Variants in CSMD1 observed in about 807,000 individuals in gnomAD.
The protein encoded by CSMD1 is CUB and Sushi multiple domains 1.
CSMD1 carries 213 observed loss-of-function variants against 417.5 expected under a neutral mutation model. The ratio of observed to expected loss-of-function variants is 0.51; its 90% CI spans 0.46 to 0.57. The LOEUF (loss-of-function observed/expected upper bound fraction) is 0.57, where lower values mean the gene tolerates loss of function less well. Among genes scored for constraint, CSMD1 ranks in the 20% least tolerant of loss-of-function variants. CSMD1 has a pLI of 0.00. For missense variants in CSMD1, 6,923 were observed against 4,529.7 expected, an observed-to-expected ratio of 1.53 and a Z score of -15.17; for synonymous variants, 2,862 against 1,736.8, an observed-to-expected ratio of 1.65 and a Z score of -16.11.
chr8:4,796,970 C>G (rs1369048460), intron 1 of CSMD1, among the ~76,000 whole-genome samples: 1 of 152,200 alleles, frequency 6.6e-6, no homozygotes, highest in Non-Finnish European at 1.5e-5. Flanking sequence ...GCCTGGTCAT[C>G]AGGCCTTTGT....
intron 11 of CSMD1, among the ~76,000 whole-genome samples, chr8:3,471,668 C>T (rs1030923140): frequency 1.4e-5 from 2 of 139,208 alleles, no homozygotes; most frequent in African/African-American, 5.2e-5. Context: ...TCCTTTCCCT[C>T]CCTCCCTCCC....
intron 5 of CSMD1, among the ~76,000 whole-genome samples, chr8:3,781,587 G>A (rs1158028800): frequency 6.6e-6 from 1 of 152,150 alleles, no homozygotes; most frequent in Non-Finnish European, 1.5e-5. Flanking sequence ...CCAATTATCA[G>A]TGTACTCTGT....
At chr8:4,280,511 T>C (rs1330429026) in intron 3 of CSMD1, among the ~76,000 whole-genome samples, 1 of 152,180 alleles carries the variant, frequency 6.6e-6, no homozygotes, top group Non-Finnish European at 1.5e-5. Context: ...AATTAAAATA[T>C]ACAAGCAAAT....
chr8:4,113,418 T>TTA (rs1364145843), intron 3 of CSMD1, among the ~76,000 whole-genome samples: 3 of 93,140 alleles, frequency 3.2e-5, no homozygotes, highest in Non-Finnish European at 6.6e-5. Context: ...TTTTTTTTTT[T>TTA]AAATGAGACA....
intron 23 of CSMD1, among the ~76,000 whole-genome samples, chr8:3,311,984 A>G (rs7838925): frequency 0.019 from 2,850 of 152,314 alleles, 84 homozygotes; most frequent in African/African-American, 0.064. Flanking sequence ...AGGTTAACAA[A>G]GTTCTAAAAT....
At chr8:4,436,701 A>T (rs908767448) in intron 2 of CSMD1, among the ~76,000 whole-genome samples, 6 of 152,030 alleles carry the variant, frequency 3.9e-5, no homozygotes, top group African/African-American at 1.4e-4. Flanking sequence ...TCTGGTAACC[A>T]TCCTACTCCC....
At position 2,945,041 on chromosome 8, in the gene CSMD1, A is replaced by G. The variant is rs146249349; in HGVS notation, c.10403-2437T>C. On this transcript the variant is annotated intron_variant, in intron 68 of 69. Coordinates refer to ENST00000635120, the MANE Select transcript of CSMD1 (RefSeq NM_033225.6). The stretch of plus-strand genomic sequence containing the variant: ...TATCACATGCCTGCAGCTCCTAGTT[A>G]ATTTCAGTTACTTGCCTTGTTTTAA... Among the ~76,000 whole-genome samples, 280 of 150,994 alleles carry G rather than the reference A, an allele frequency of 1.9e-3. 2 individuals are homozygous for G. The highest frequency in any genetic ancestry group is 6.4e-3 in the African/African-American group (259 of 40,316).
At chr8:4,922,530 A>G (rs1806566153) in intron 1 of CSMD1, among the ~76,000 whole-genome samples, 1 of 152,186 alleles carries the variant, frequency 6.6e-6, no homozygotes, top group Non-Finnish European at 1.5e-5. Flanking sequence ...TGGGCAAACC[A>G]TTCACACCCT....
At chr8:4,886,549 T>G (rs537054654) in intron 1 of CSMD1, among the ~76,000 whole-genome samples, 1 of 152,114 alleles carries the variant, frequency 6.6e-6, no homozygotes, top group South Asian at 2.1e-4. Flanking sequence ...TCTTTTATTT[T>G]TTGAAAGTGT....
intron 3 of CSMD1, among the ~76,000 whole-genome samples, chr8:4,207,649 G>T (rs1171164579): frequency 6.6e-6 from 1 of 152,066 alleles, no homozygotes; most frequent in African/African-American, 2.4e-5. Flanking sequence ...GGTTGTTTAT[G>T]TATTCCTACA....
At chr8:4,786,659 A>T (rs1797418485) in intron 1 of CSMD1, among the ~76,000 whole-genome samples, 1 of 152,178 alleles carries the variant, frequency 6.6e-6, no homozygotes, top group South Asian at 2.1e-4. Context: ...AATCTAGAAT[A>T]CGTTCTTTTA....
chr8:4,811,317 C>T (rs11991291), intron 1 of CSMD1, among the ~76,000 whole-genome samples: 1 of 152,184 alleles, frequency 6.6e-6, no homozygotes, highest in African/African-American at 2.4e-5. Context: ...AATATTGACT[C>T]GGAGAGAGAA....
intron 3 of CSMD1, among the ~76,000 whole-genome samples, chr8:4,087,229 C>A (rs953005670): frequency 5.3e-5 from 8 of 152,170 alleles, no homozygotes; most frequent in African/African-American, 1.9e-4. Context: ...TCCCAAGGAA[C>A]GGCTAAGTCC....
chr8:3,473,856 C>T (rs142682841), intron 11 of CSMD1, among the ~76,000 whole-genome samples: 2 of 152,016 alleles, frequency 1.3e-5, no homozygotes, highest in African/African-American at 2.4e-5. Flanking sequence ...TTCCACATGG[C>T]TTGGGAGGCC....
At chr8:4,811,998 G>A (rs989304219) in intron 1 of CSMD1, among the ~76,000 whole-genome samples, 2 of 152,144 alleles carry the variant, frequency 1.3e-5, no homozygotes, top group Admixed American at 6.5e-5. Context: ...AAGACAGAAA[G>A]TAACAGCTTC....
chr8:4,469,908 C>T (rs1178790700), intron 2 of CSMD1, among the ~76,000 whole-genome samples: 2 of 151,842 alleles, frequency 1.3e-5, no homozygotes, highest in Admixed American at 6.6e-5. Context: ...CGCTCTGTCG[C>T]CCTGGCTGGA....
chr8:4,712,582 T>A (rs1315877789), intron 1 of CSMD1, among the ~76,000 whole-genome samples: 2 of 152,252 alleles, frequency 1.3e-5, no homozygotes, highest in Non-Finnish European at 2.9e-5. Flanking sequence ...GAAGGGGCTT[T>A]AGAATACTGA....
chr8:4,159,469 A>C (rs1011393892), intron 3 of CSMD1, among the ~76,000 whole-genome samples: 2 of 152,226 alleles, frequency 1.3e-5, no homozygotes, highest in Admixed American at 6.5e-5. Flanking sequence ...TACTGTAAAA[A>C]TGTATCCATC....
intron 1 of CSMD1, among the ~76,000 whole-genome samples, chr8:4,777,370 C>T (rs1796906409): frequency 6.6e-6 from 1 of 152,058 alleles, no homozygotes; most frequent in Admixed American, 6.5e-5. Flanking sequence ...TGGTTTTGAG[C>T]TTGGGGATGA....
Sources: allele counts gnomAD v4.1 joint callset (sites outside exome capture counted in the v4.1 genomes callset), GRCh38; gene constraint gnomAD v4.1.1; transcripts MANE v1.5; gene names NCBI Gene and HGNC (gene_info 2026-07-23, HGNC 2026-07-21).